The following IGF1 variants were observed in gnomAD, a reference collection of about 807,000 sequenced individuals.
IGF1 encodes the protein insulin like growth factor 1.
IGF1 carries 4 observed loss-of-function variants against 13.8 expected under a neutral mutation model. That is an observed-to-expected ratio of 0.29 (90% CI 0.14 to 0.66). IGF1 has a LOEUF of 0.66. IGF1 is among the 30% of genes least tolerant of loss of function. IGF1 has a pLI of 0.78. For synonymous variants in IGF1, 76 were observed against 72.6 expected, an observed-to-expected ratio of 1.05 and a Z score of -0.23; for missense variants, 124 against 188.5, an observed-to-expected ratio of 0.66 and a Z score of 2.00.
chr12:102,443,718 G>T (rs1878063545), intron 2 of IGF1, among the ~76,000 whole-genome samples: 1 of 152,018 alleles, frequency 6.6e-6, no homozygotes, highest in South Asian at 2.1e-4. Flanking sequence ...TATTTACACA[G>T]AGTTTCTGGA....
chr12:102,446,847 C>T (rs930705760), intron 2 of IGF1, among the ~76,000 whole-genome samples: 2 of 152,182 alleles, frequency 1.3e-5, no homozygotes, highest in Non-Finnish European at 2.9e-5. Context: ...CCCACTTTCT[C>T]CTGTGGGCAT....
intron 3 of IGF1, among the ~76,000 whole-genome samples, chr12:102,410,611 A>G (rs553261950): frequency 4.6e-4 from 70 of 152,344 alleles, no homozygotes; most frequent in South Asian, 8.3e-4. Flanking sequence ...AAACTGGTGT[A>G]TGCAGTAACT....
intron 2 of IGF1, among the ~76,000 whole-genome samples, chr12:102,428,328 C>G (rs1019506930): frequency 1.4e-5 from 2 of 144,492 alleles, no homozygotes; most frequent in African/African-American, 5.0e-5. Context: ...AGAGTTTTCT[C>G]TTTTTTAGAT....
At chr12:102,417,959 C>T (rs1287216481) in intron 3 of IGF1, 2 of 1,613,544 alleles carry the variant, frequency 1.2e-6, no homozygotes, top group African/African-American at 1.3e-5. Context: ...GCCAACCTTT[C>T]CTTCTCTGAG....
intron 2 of IGF1, among the ~76,000 whole-genome samples, chr12:102,465,127 A>T (rs777061442): frequency 6.6e-6 from 1 of 152,212 alleles, no homozygotes; most frequent in Non-Finnish European, 1.5e-5. Flanking sequence ...AGGCAGCAAC[A>T]TGCTTTTCTT....
In IGF1 at chr12:102,400,925, C is replaced by T. The variant is rs1873631101; in HGVS notation, c.*1582G>A. ...TCAAAATCAAATTGAAAATCAAATGCTTCCCACATATTTTGAAAAGTGTTT... is the reference window on the plus strand; with the variant it reads ...TCAAAATCAAATTGAAAATCAAATGTTTCCCACATATTTTGAAAAGTGTTT... On this transcript the variant is annotated 3_prime_UTR_variant, in exon 4 of 4. Transcript: ENST00000337514. The T allele has an allele frequency of 6.6e-6, 1 of 152,104 alleles. No homozygotes were observed. Among genetic ancestry groups the T allele is most frequent in the South Asian group, 2.1e-4 (1 of 4,828 alleles). The allele number at this position is 152,104 out of a possible 1,614,324, so 9.4% of individuals were successfully genotyped here. A position where few individuals can be genotyped will look rare whatever the true frequency, so the allele number is the denominator to read the frequency against.
At chr12:102,455,273 T>C (rs1037588884) in intron 2 of IGF1, among the ~76,000 whole-genome samples, 2 of 152,258 alleles carry the variant, frequency 1.3e-5, no homozygotes, top group African/African-American at 4.8e-5. Flanking sequence ...GACATTGCTA[T>C]GGCTGCAAGT....
In IGF1 at chr12:102,396,812, A is replaced by AG. The variant is rs1191719804; in HGVS notation, c.*5694dup. The stretch of plus-strand genomic sequence containing the variant: ...TCTTTTTTTTTTTTTACTTTAAAAA[A>AG]GCTTGGATTTTTTTCCCCTTGAAAG... On this transcript the variant is annotated 3_prime_UTR_variant, in exon 4 of 4. Coordinates refer to ENST00000337514, the MANE Select transcript of IGF1 (RefSeq NM_000618.5). 1 of 397,648 alleles carries AG rather than the reference A, an allele frequency of 2.5e-6. No homozygotes were observed. The highest frequency in any genetic ancestry group is 4.4e-6 in the Non-Finnish European group (1 of 225,768). 24.6% of individuals were successfully genotyped at this position (397,648 alleles called of 1,614,324 possible). A position where few individuals can be genotyped will look rare whatever the true frequency, so the allele number is the denominator to read the frequency against.
At chr12:102,411,937 C>G (rs1304750007) in intron 3 of IGF1, among the ~76,000 whole-genome samples, 1 of 152,094 alleles carries the variant, frequency 6.6e-6, no homozygotes, top group African/African-American at 2.4e-5. Context: ...GAAGTAAGGG[C>G]AGGGGATGAT....
chr12:102,459,594 A>T (rs1406012230), intron 2 of IGF1, among the ~76,000 whole-genome samples: 1 of 152,082 alleles, frequency 6.6e-6, no homozygotes, highest in Non-Finnish European at 1.5e-5. Flanking sequence ...ACTTAGGGTG[A>T]TTGTGCAACC....
chr12:102,442,151 G>T (rs1334216470), intron 2 of IGF1, among the ~76,000 whole-genome samples: 3 of 151,740 alleles, frequency 2.0e-5, no homozygotes, highest in Non-Finnish European at 4.4e-5. Context: ...GTCTCACTAT[G>T]CTGCTCAGGC....
In IGF1 at chr12:102,402,243, T is replaced by C. The variant is rs1873741327; in HGVS notation, c.*264A>G. 3.9e-6 allele frequency: 1 copy of C among 253,904 alleles called. No individual in the cohort carries two copies. The highest frequency in any genetic ancestry group is 7.4e-6 in the Non-Finnish European group (1 of 134,398). The allele number at this position is 253,904 out of a possible 1,614,324, so 15.7% of individuals were successfully genotyped here. A position where few individuals can be genotyped will look rare whatever the true frequency, so the allele number is the denominator to read the frequency against. The stretch of plus-strand genomic sequence containing the variant: ...AGGGACTAAGATATATATATATATA[T>C]ATTTTTTTTTTCTTTTCTATAGAAC... On this transcript the variant is annotated 3_prime_UTR_variant, in exon 4 of 4. Coordinates refer to ENST00000337514, the MANE Select transcript of IGF1 (RefSeq NM_000618.5).
At position 102,426,842 on chromosome 12, in the gene IGF1, C is replaced by A. The variant is rs1340084746; in HGVS notation, c.221-7152G>T. On this transcript the variant is annotated intron_variant, in intron 2 of 3. Coordinates refer to ENST00000337514, the MANE Select transcript of IGF1 (RefSeq NM_000618.5). ...AGCATAGTATTTCTCTCATCTCTCT[C>A]TACTTCATGTCTCATCTCATTCTGT... 3.3e-5 allele frequency among the ~76,000 whole-genome samples: 5 copies of A among 152,342 alleles called. No individual in the cohort carries two copies. The East Asian group carries it at 7.7e-4, about 23-fold the overall frequency.
chr12:102,430,488 A>G (rs1396951174), intron 2 of IGF1, among the ~76,000 whole-genome samples: 1 of 152,212 alleles, frequency 6.6e-6, no homozygotes, highest in Non-Finnish European at 1.5e-5. Flanking sequence ...ATAAGGATAG[A>G]AGGAAAGAAG....
intron 3 of IGF1, among the ~76,000 whole-genome samples, chr12:102,406,352 G>C (rs1874154205): frequency 6.6e-6 from 1 of 152,164 alleles, no homozygotes; most frequent in South Asian, 2.1e-4. Context: ...CCCACCTTTG[G>C]TGCACTTCTT....
At chr12:102,460,354 A>C (rs1448651294) in intron 2 of IGF1, among the ~76,000 whole-genome samples, 1 of 152,172 alleles carries the variant, frequency 6.6e-6, no homozygotes, top group East Asian at 1.9e-4. Flanking sequence ...TAACCAGAAG[A>C]CACTCAATAG....
chr12:102,403,978 C>A (rs1873913945), intron 3 of IGF1, among the ~76,000 whole-genome samples: 1 of 152,122 alleles, frequency 6.6e-6, no homozygotes. Context: ...AATACTTTTC[C>A]TACAGTTATT....
chr12:102,472,301 A>T (rs1880737444), intron 2 of IGF1, among the ~76,000 whole-genome samples: 1 of 152,160 alleles, frequency 6.6e-6, no homozygotes, highest in African/African-American at 2.4e-5. Flanking sequence ...GGTTGCTTTC[A>T]CTTGCTGTAG....
chr12:102,423,773 A>T (rs775641373), intron 2 of IGF1, among the ~76,000 whole-genome samples: 2 of 152,180 alleles, frequency 1.3e-5, no homozygotes, highest in Non-Finnish European at 2.9e-5. Context: ...CACACCAATT[A>T]GCTGAGTCTC....
Sources: gnomAD v4.1 joint callset for allele counts (sites outside exome capture counted in the v4.1 genomes callset) on GRCh38, gnomAD v4.1.1 for gene constraint, MANE v1.5 for transcripts, NCBI Gene and HGNC (gene_info 2026-07-23, HGNC 2026-07-21) for gene names.